Variants in LOC128092252 observed in about 807,000 individuals in gnomAD.
the LOC128092252 span, among the ~76,000 whole-genome samples, chr15:50,653,277 C>G: frequency 6.6e-6 from 1 of 152,150 alleles, no homozygotes; most frequent in Non-Finnish European, 1.5e-5. Context: ...ATAGTGAGAC[C>G]CCGTTCTCCA....
the LOC128092252 span, among the ~76,000 whole-genome samples, chr15:50,661,881 T>A: frequency 6.6e-6 from 1 of 152,194 alleles, no homozygotes; most frequent in Non-Finnish European, 1.5e-5. Flanking sequence ...AATAACTATA[T>A]CTTAGATTTC....
chr15:50,657,771 T>C, the LOC128092252 span: 1 of 1,611,290 alleles, frequency 6.2e-7, no homozygotes, highest in East Asian at 2.2e-5. Context: ...TATAGTTATG[T>C]TAAACTTACC....
the LOC128092252 span, chr15:50,686,434 T>C: frequency 8.1e-6 from 13 of 1,601,118 alleles, no homozygotes; most frequent in Non-Finnish European, 1.1e-5. Flanking sequence ...CTTCGCCGCA[T>C]GGAACGCGGC....
the LOC128092252 span, among the ~76,000 whole-genome samples, chr15:50,652,328 CAAAAAAAAAAAAA>C: frequency 0.011 from 374 of 34,236 alleles, 3 homozygotes; most frequent in African/African-American, 0.049. Flanking sequence ...GACTCCATCT[CAAAAAAAAAAAAA>C]AAAAAAAAAA....
chr15:50,648,843 A>G, the LOC128092252 span: 18 of 1,612,544 alleles, frequency 1.1e-5, no homozygotes, highest in Admixed American at 1.0e-4. Context: ...CAAGACTTGC[A>G]GTAAAACAAG....
chr15:50,679,870 C>A, the LOC128092252 span, among the ~76,000 whole-genome samples: 1 of 151,960 alleles, frequency 6.6e-6, no homozygotes, highest in Admixed American at 6.6e-5. Flanking sequence ...TTACACCCAT[C>A]CAGAAATCTA....
At chr15:50,670,229 T>C in the LOC128092252 span, among the ~76,000 whole-genome samples, 1 of 152,018 alleles carries the variant, frequency 6.6e-6, no homozygotes. Flanking sequence ...AAGGATTCTC[T>C]TATAAAAGAA....
chr15:50,656,934 C>T, the LOC128092252 span, among the ~76,000 whole-genome samples: 1 of 152,160 alleles, frequency 6.6e-6, no homozygotes, highest in Non-Finnish European at 1.5e-5. Flanking sequence ...AAACATCTTA[C>T]TTCAGGTTCT....
the LOC128092252 span, among the ~76,000 whole-genome samples, chr15:50,662,611 C>T: frequency 6.6e-6 from 1 of 151,938 alleles, no homozygotes; most frequent in Non-Finnish European, 1.5e-5. Context: ...CAGTAGATGC[C>T]CAATAGATAC....
chr15:50,686,470 T>C, the LOC128092252 span: 1 of 1,613,766 alleles, frequency 6.2e-7, no homozygotes, highest in South Asian at 1.1e-5. Context: ...CTGCCAAGTC[T>C]CTCCTTTACC....
chr15:50,658,480 G>C, the LOC128092252 span, among the ~76,000 whole-genome samples: 23 of 151,830 alleles, frequency 1.5e-4, no homozygotes, highest in Non-Finnish European at 2.8e-4. Flanking sequence ...TGAGGTGGGA[G>C]GATTCCTTGA....
chr15:50,667,723 T>C, the LOC128092252 span, among the ~76,000 whole-genome samples: 1 of 152,056 alleles, frequency 6.6e-6, no homozygotes, highest in Non-Finnish European at 1.5e-5. Context: ...AAAAAACATA[T>C]TTAAATAAGA....
the LOC128092252 span, among the ~76,000 whole-genome samples, chr15:50,649,336 G>C: frequency 6.6e-6 from 1 of 151,820 alleles, no homozygotes; most frequent in African/African-American, 2.4e-5. Flanking sequence ...CTACACAGGA[G>C]ACTAAGGTGG....
the LOC128092252 span, among the ~76,000 whole-genome samples, chr15:50,666,310 C>T: frequency 6.6e-6 from 1 of 151,740 alleles, no homozygotes; most frequent in East Asian, 2.0e-4. Flanking sequence ...TGTGATGGCA[C>T]GTGCCTGTAG....
At chr15:50,661,365 G>C in the LOC128092252 span, among the ~76,000 whole-genome samples, 1 of 152,062 alleles carries the variant, frequency 6.6e-6, no homozygotes, top group African/African-American at 2.4e-5. Context: ...TAAAACAAAA[G>C]CAATACACTG....
the LOC128092252 span, among the ~76,000 whole-genome samples, chr15:50,650,256 G>A: frequency 2.8e-5 from 4 of 145,338 alleles, no homozygotes; most frequent in South Asian, 4.4e-4. Context: ...AAAGCTACTG[G>A]ACAGCAATAG....
At chr15:50,686,317 G>A in the LOC128092252 span, among the ~76,000 whole-genome samples, 2 of 152,202 alleles carry the variant, frequency 1.3e-5, no homozygotes, top group Non-Finnish European at 2.9e-5. Context: ...TTCCCGCGAA[G>A]AGGTGTCGCC....
chr15:50,664,828 G>A, the LOC128092252 span, among the ~76,000 whole-genome samples: 2 of 152,134 alleles, frequency 1.3e-5, no homozygotes, highest in African/African-American at 2.4e-5. Flanking sequence ...GGGTGTGGTG[G>A]TGCACACCTA....
chr15:50,675,574 TA>T, the LOC128092252 span, among the ~76,000 whole-genome samples: 2 of 151,770 alleles, frequency 1.3e-5, no homozygotes, highest in East Asian at 1.9e-4. Context: ...CACCTAATGA[TA>T]AAAAAAAGTT....
Sources: allele counts gnomAD v4.1 joint callset (sites outside exome capture counted in the v4.1 genomes callset), GRCh38; gene constraint gnomAD v4.1.1; transcripts MANE v1.5.